The following STPG2 variants were observed in gnomAD, a reference collection of about 807,000 sequenced individuals.
The protein encoded by STPG2 is sperm tail PG-rich repeat containing 2, also known as sperm-tail PG-rich repeat-containing protein 2.
STPG2 carries 56 observed loss-of-function variants against 54.2 expected under a neutral mutation model. The observed-to-expected ratio is 1.03, with a 90% CI of 0.83 to 1.29. The LOEUF (loss-of-function observed/expected upper bound fraction) is 1.29, where lower values mean the gene tolerates loss of function less well. STPG2 is among the 50% of genes most tolerant of loss of function. The pLI, the probability that STPG2 is intolerant of heterozygous loss-of-function variation, is 0.00. For missense variants in STPG2, 596 were observed against 544.9 expected (o/e 1.09, Z -0.93); for synonymous variants, 200 against 181.8 (o/e 1.10, Z -0.81).
intron 4 of STPG2, among the ~76,000 whole-genome samples, chr4:97,470,216 A>G (rs1449750026): frequency 6.6e-6 from 1 of 152,090 alleles, no homozygotes; most frequent in Non-Finnish European, 1.5e-5. Flanking sequence ...AGGCATTGAG[A>G]TGAGAGAAAT....
chr4:97,564,750 T>G (rs1401355005), intron 10 of STPG2, among the ~76,000 whole-genome samples: 1 of 152,222 alleles, frequency 6.6e-6, no homozygotes, highest in Non-Finnish European at 1.5e-5. Flanking sequence ...TTAAGAATGT[T>G]GAATAGTGGC....
intron 8 of STPG2, among the ~76,000 whole-genome samples, chr4:97,872,607 T>C (rs1730031560): frequency 6.6e-6 from 1 of 151,226 alleles, no homozygotes; most frequent in Non-Finnish European, 1.5e-5. Context: ...ATTTCTGAAA[T>C]ATGCAAAATT....
intron 5 of STPG2, among the ~76,000 whole-genome samples, chr4:98,024,005 G>C (rs891593593): frequency 4.6e-5 from 7 of 152,116 alleles, no homozygotes; most frequent in Admixed American, 1.3e-4. Context: ...GCCTCACCCT[G>C]CTTCGGCCTG....
chr4:98,020,212 G>C (rs1248983243), intron 5 of STPG2, among the ~76,000 whole-genome samples: 1 of 132,978 alleles, frequency 7.5e-6, no homozygotes, highest in Non-Finnish European at 1.6e-5. Context: ...AATTTATTGA[G>C]AGTTTTTAGC....
intron 8 of STPG2, among the ~76,000 whole-genome samples, chr4:97,940,382 T>C (rs1342883275): frequency 6.6e-6 from 1 of 152,218 alleles, no homozygotes; most frequent in Non-Finnish European, 1.5e-5. Context: ...GATTATATCC[T>C]TAAATATGTT....
At chr4:98,043,045 T>C (rs1737014070) in intron 5 of STPG2, among the ~76,000 whole-genome samples, 1 of 152,094 alleles carries the variant, frequency 6.6e-6, no homozygotes, top group African/African-American at 2.4e-5. Flanking sequence ...ACAATGGTTA[T>C]ATCTTCCTAC....
chr4:97,929,162 G>T (rs935525155), intron 8 of STPG2, among the ~76,000 whole-genome samples: 6 of 152,274 alleles, frequency 3.9e-5, no homozygotes, highest in Middle Eastern at 3.4e-3. Context: ...AGTTTACTAA[G>T]GATAATAGCA....
chr4:97,793,585 T>A (rs778926206), intron 9 of STPG2, among the ~76,000 whole-genome samples: 2 of 151,906 alleles, frequency 1.3e-5, no homozygotes, highest in Non-Finnish European at 2.9e-5. Context: ...CTAAAAGATA[T>A]ATTTCAAGAA....
intron 5 of STPG2, 131 bp downstream of exon 5, chr4:98,105,822 T>C: frequency 1.3e-6 from 1 of 763,134 alleles, no homozygotes; most frequent in Non-Finnish European, 1.9e-6. Context: ...AAATACTTCC[T>C]TCTACAATAT....
intron 4 of STPG2, among the ~76,000 whole-genome samples, chr4:97,453,355 C>T (rs1435855228): frequency 2.0e-5 from 3 of 152,218 alleles, no homozygotes; most frequent in African/African-American, 7.2e-5. Context: ...TGCTCACACA[C>T]CCTTTGCTGC....
intron 9 of STPG2, among the ~76,000 whole-genome samples, chr4:97,740,877 T>C (rs950444464): frequency 3.9e-5 from 6 of 152,074 alleles, no homozygotes; most frequent in African/African-American, 1.4e-4. Context: ...AAAGTTCATA[T>C]GGAACCAAAA....
intron 10 of STPG2, among the ~76,000 whole-genome samples, chr4:97,616,637 A>C (rs570149961): frequency 2.0e-5 from 3 of 152,064 alleles, no homozygotes; most frequent in African/African-American, 7.2e-5. Context: ...TTGCATGATA[A>C]CTGATTATTT....
chr4:97,677,588 T>C (rs1446351892), intron 10 of STPG2, among the ~76,000 whole-genome samples: 1 of 152,198 alleles, frequency 6.6e-6, no homozygotes, highest in Non-Finnish European at 1.5e-5. Context: ...AAGAAAATCA[T>C]TATCCAATTA....
downstream of STPG2, among the ~76,000 whole-genome samples, chr4:97,553,980 C>T (rs1470345737): frequency 6.6e-6 from 1 of 152,166 alleles, no homozygotes; most frequent in Non-Finnish European, 1.5e-5. Context: ...CAAACTTCAA[C>T]TCTTTATTTT....
At chr4:97,888,711 A>G (rs1271204626) in intron 8 of STPG2, among the ~76,000 whole-genome samples, 2 of 152,162 alleles carry the variant, frequency 1.3e-5, no homozygotes, top group Admixed American at 6.5e-5. Context: ...AGATTATTGT[A>G]CATTGCAATG....
At chr4:97,976,660 C>A (rs966376942) in intron 6 of STPG2, among the ~76,000 whole-genome samples, 3 of 152,094 alleles carry the variant, frequency 2.0e-5, no homozygotes, top group Non-Finnish European at 2.9e-5. Flanking sequence ...GACTGCTTTA[C>A]AAGTCCAATT....
chr4:97,779,336 T>C (rs994129460), intron 9 of STPG2, among the ~76,000 whole-genome samples: 5 of 152,100 alleles, frequency 3.3e-5, no homozygotes, highest in Non-Finnish European at 7.4e-5. Context: ...GTATCAGTGA[T>C]TGAAGATCAA....
intron 8 of STPG2, among the ~76,000 whole-genome samples, chr4:97,914,005 G>C (rs993395484): frequency 1.3e-5 from 2 of 152,054 alleles, no homozygotes; most frequent in African/African-American, 4.8e-5. Flanking sequence ...TGTACATTCA[G>C]AATAAGGTAC....
chr4:98,074,635 C>T (rs545475400), intron 5 of STPG2, among the ~76,000 whole-genome samples: 6 of 152,222 alleles, frequency 3.9e-5, no homozygotes, highest in African/African-American at 1.4e-4. Context: ...TAAATATTTT[C>T]CACTGAACTT....
Sources: allele counts gnomAD v4.1 joint callset (sites outside exome capture counted in the v4.1 genomes callset), GRCh38; gene constraint gnomAD v4.1.1; transcripts MANE v1.5; gene names NCBI Gene and HGNC (gene_info 2026-07-23, HGNC 2026-07-21).